ABCA13: variants seen among roughly 807,000 people sequenced by gnomAD.
The protein encoded by ABCA13 is ATP binding cassette subfamily A member 13, also known as ATP-binding cassette sub-family A member 13.
A neutral mutation model predicts 478.7 loss-of-function variants in ABCA13; 476 were observed. The ratio of observed to expected loss-of-function variants is 0.99; its 90% CI spans 0.92 to 1.07. The LOEUF (loss-of-function observed/expected upper bound fraction) is 1.07, where lower values mean the gene tolerates loss of function less well. ABCA13 is among the 50% of genes least tolerant of loss of function. The pLI, the probability that ABCA13 is intolerant of heterozygous loss-of-function variation, is 0.00. For missense variants in ABCA13, 6,060 were observed against 5,910.6 expected (o/e 1.03, Z -0.83); for synonymous variants, 2,252 against 2,158.9 (o/e 1.04, Z -1.20).
chr7:48,350,912 C>A, intron 30 of ABCA13, 93 bp downstream of exon 30: 1 of 1,285,874 alleles, frequency 7.8e-7, no homozygotes, highest in Non-Finnish European at 1.1e-6. Context: ...CTTATGATAG[C>A]TCAGAAAGAA....
chr7:48,226,213 G>A (rs1788186945), intron 5 of ABCA13, among the ~76,000 whole-genome samples: 1 of 152,136 alleles, frequency 6.6e-6, no homozygotes. Flanking sequence ...TTGGATGGAA[G>A]GGAGATAAAG....
intron 55 of ABCA13, among the ~76,000 whole-genome samples, chr7:48,556,034 ATTTC>A (rs1284137543): frequency 2.0e-5 from 3 of 151,280 alleles, no homozygotes; most frequent in Non-Finnish European, 4.4e-5. Flanking sequence ...AAATTTTTCA[ATTTC>A]TTTCTTAATT....
chr7:48,460,250 A>G (rs1335511171), intron 43 of ABCA13, among the ~76,000 whole-genome samples: 4 of 152,224 alleles, frequency 2.6e-5, no homozygotes, highest in Non-Finnish European at 4.4e-5. Context: ...TAGGGCTGCT[A>G]TAGCAAAGAA....
At position 48,245,853 on chromosome 7, in the gene ABCA13, A is replaced by G. The variant is rs1488424221; in HGVS notation, c.1492-10A>G. ...AATGTTACTCCTTCCCACTCTTATT[A>G]ATCTTTTAGATGTTGGCGAAGAATG... On this transcript the variant is annotated splice_polypyrimidine_tract_variant and intron_variant, in intron 12 of 61. Transcript: ENST00000435803. The G allele has an allele frequency of 3.1e-6, 5 of 1,607,280 alleles. No individual in the cohort carries two copies. The highest frequency in any genetic ancestry group is 4.2e-6 in the Non-Finnish European group (5 of 1,176,478).
At chr7:48,451,851 C>G (rs1238757748) in intron 42 of ABCA13, among the ~76,000 whole-genome samples, 1 of 152,130 alleles carries the variant, frequency 6.6e-6, no homozygotes, top group Non-Finnish European at 1.5e-5. Context: ...TTTTCCCAAG[C>G]AATTTGATGG....
chr7:48,199,485 A>G (rs1798371504), intron 3 of ABCA13, among the ~76,000 whole-genome samples: 1 of 152,150 alleles, frequency 6.6e-6, no homozygotes, highest in Non-Finnish European at 1.5e-5. Flanking sequence ...CACTAATCCT[A>G]TTCACGAAGG....
At chr7:48,260,777 T>C (rs1017031345) in intron 15 of ABCA13, among the ~76,000 whole-genome samples, 1 of 152,000 alleles carries the variant, frequency 6.6e-6, no homozygotes, top group Non-Finnish European at 1.5e-5. Flanking sequence ...TTTGTAGTTT[T>C]GTGGTCCCCT....
At chr7:48,196,427 G>A (rs904714605) in intron 2 of ABCA13, among the ~76,000 whole-genome samples, 1 of 152,106 alleles carries the variant, frequency 6.6e-6, no homozygotes, top group Non-Finnish European at 1.5e-5. Flanking sequence ...GCTCCATCAA[G>A]CCCCCCATCA....
chr7:48,184,987 C>A (rs989622198), intron 1 of ABCA13, among the ~76,000 whole-genome samples: 1 of 152,116 alleles, frequency 6.6e-6, no homozygotes, highest in Non-Finnish European at 1.5e-5. Context: ...AAGGGCACAC[C>A]ATCATGCCTG....
intron 35 of ABCA13, 90 bp downstream of exon 35, chr7:48,376,662 T>G (rs2129036165): frequency 7.2e-7 from 1 of 1,382,714 alleles, no homozygotes. Flanking sequence ...TCACTTATTC[T>G]TTAAGGAAGA....
rs1554326030 is a variant in ABCA13, at chr7:48,181,557, C to CT, written c.69+10016dup. ...ACTTGTGAGTTGTATAATGTTTTAT[C>CT]TTTTTTTTTTTAAGTCTCAATTCAA... On this transcript the variant is annotated intron_variant, in intron 1 of 61. Transcript: ENST00000435803. Among the ~76,000 whole-genome samples, 1,331 of 146,586 alleles carry CT rather than the reference C, an allele frequency of 9.1e-3. 10 individuals carry two copies. The highest frequency in any genetic ancestry group is 0.031 in the African/African-American group (1,253 of 39,990).
At chr7:48,487,784 G>A (rs994760587) in intron 47 of ABCA13, among the ~76,000 whole-genome samples, 1 of 152,046 alleles carries the variant, frequency 6.6e-6, no homozygotes, top group Admixed American at 6.5e-5. Context: ...CTGTGTAGGT[G>A]TCTGTGTGTG....
chr7:48,221,174 C>G (rs1787307813), intron 4 of ABCA13, 107 bp from the exon 5 acceptor site: 1 of 557,856 alleles, frequency 1.8e-6, no homozygotes, highest in African/African-American at 2.0e-5. Context: ...ATTTTTGGGC[C>G]AGGGCTCTTG....
chr7:48,425,053 A>G (rs1227710299), intron 41 of ABCA13, among the ~76,000 whole-genome samples: 2 of 152,094 alleles, frequency 1.3e-5, no homozygotes, highest in African/African-American at 2.4e-5. Flanking sequence ...GACACATTGT[A>G]CCCAGATACT....
intron 48 of ABCA13, among the ~76,000 whole-genome samples, chr7:48,500,412 G>C (rs1439256562): frequency 6.6e-6 from 1 of 151,884 alleles, no homozygotes; most frequent in Admixed American, 6.6e-5. Flanking sequence ...TGTCTTGTTT[G>C]TTCTTTCTTT....
intron 41 of ABCA13, among the ~76,000 whole-genome samples, chr7:48,422,380 C>T (rs920243239): frequency 1.3e-5 from 2 of 152,102 alleles, no homozygotes; most frequent in Admixed American, 6.5e-5. Flanking sequence ...GTGACCCATT[C>T]TTTGCATTCT....
Position 48,271,146 on chromosome 7 carries a change from A to G in ABCA13, c.2121-641A>G, listed in dbSNP as rs1331595751. On this transcript the variant is annotated intron_variant, in intron 16 of 61. Transcript: ENST00000435803. ...AACACATGTAACCCCAAGAATGTCAAAAGTGGACTTGTAAGTTCTGAGTTA... is the reference window on the plus strand; with the variant it reads ...AACACATGTAACCCCAAGAATGTCAGAAGTGGACTTGTAAGTTCTGAGTTA... Among the ~76,000 whole-genome samples, 4 of 152,330 alleles carry G rather than the reference A, an allele frequency of 2.6e-5. No homozygotes were observed. The East Asian group carries it at 7.7e-4, about 29-fold the overall frequency.
At chr7:48,357,607 A>G (rs1284620314) in intron 31 of ABCA13, among the ~76,000 whole-genome samples, 1 of 151,962 alleles carries the variant, frequency 6.6e-6, no homozygotes, top group African/African-American at 2.4e-5. Context: ...ACAGCAGCAA[A>G]GTAATCTCTT....
intron 58 of ABCA13, among the ~76,000 whole-genome samples, chr7:48,614,765 C>T (rs2131561773): frequency 6.7e-6 from 1 of 149,854 alleles, no homozygotes; most frequent in East Asian, 2.0e-4. Context: ...AATCATCATT[C>T]TGAGTAAACT....
Sources: allele counts gnomAD v4.1 joint callset (sites outside exome capture counted in the v4.1 genomes callset), GRCh38; gene constraint gnomAD v4.1.1; transcripts MANE v1.5; gene names NCBI Gene and HGNC (gene_info 2026-07-23, HGNC 2026-07-21).